Variants in PHF21B observed in about 807,000 individuals in gnomAD.
PHF21B encodes PHD finger protein 4.
In PHF21B, 22 loss-of-function variants were observed where a neutral mutation model predicts 62.2. That is an observed-to-expected ratio of 0.35 (90% confidence interval 0.25 to 0.51). The LOEUF (loss-of-function observed/expected upper bound fraction) is 0.51. PHF21B is among the 20% of genes least tolerant of loss of function. The pLI, the probability that PHF21B is intolerant of heterozygous loss-of-function variation, is 0.97. For missense variants in PHF21B, 701 were observed against 707.9 expected (o/e 0.99, Z 0.11); for synonymous variants, 341 against 314.7 (o/e 1.08, Z -0.88).
chr22:45,005,125 C>T (rs899321196), intron 2 of PHF21B, among the ~76,000 whole-genome samples: 2 of 152,272 alleles, frequency 1.3e-5, no homozygotes, highest in East Asian at 1.9e-4. Flanking sequence ...CACAGAAGGG[C>T]TTGTTGCTTG....
intron 12 of PHF21B, among the ~76,000 whole-genome samples, chr22:44,884,380 CCAT>C (rs1436755805): frequency 3.2e-5 from 1 of 31,678 alleles, no homozygotes; most frequent in Non-Finnish European, 7.7e-5. Flanking sequence ...ACCACCACCA[CCAT>C]CACGGTGATG....
At chr22:44,924,813 C>T (rs910175897) in intron 2 of PHF21B, among the ~76,000 whole-genome samples, 1 of 152,130 alleles carries the variant, frequency 6.6e-6, no homozygotes, top group Non-Finnish European at 1.5e-5. Flanking sequence ...AAGCATTCGC[C>T]AAGAGAAGGG....
chr22:44,999,804 C>T (rs1186244308), intron 2 of PHF21B, among the ~76,000 whole-genome samples: 2 of 152,090 alleles, frequency 1.3e-5, no homozygotes, highest in African/African-American at 4.8e-5. Flanking sequence ...CCCAACCTCT[C>T]TGGGCCGAGC....
chr22:44,958,543 G>C (rs1298992706), intron 2 of PHF21B, among the ~76,000 whole-genome samples: 1 of 148,304 alleles, frequency 6.7e-6, no homozygotes. Flanking sequence ...TTCCATTAGC[G>C]TCCTATTCTA....
chr22:44,895,361 C>G (rs909812852), intron 6 of PHF21B, among the ~76,000 whole-genome samples: 1 of 152,172 alleles, frequency 6.6e-6, no homozygotes, highest in Admixed American at 6.5e-5. Flanking sequence ...GTTCACGGCC[C>G]ATGTGAAGCT....
chr22:44,958,141 G>C (rs987441110), intron 2 of PHF21B, among the ~76,000 whole-genome samples: 4 of 152,186 alleles, frequency 2.6e-5, no homozygotes, highest in African/African-American at 9.7e-5. Context: ...GACCTCAGGT[G>C]ATCTGCCCAC....
intron 1 of PHF21B, 173 bp from the exon 2 acceptor site, chr22:45,008,783 G>C: frequency 1.7e-6 from 2 of 1,159,928 alleles, no homozygotes; most frequent in Non-Finnish European, 2.1e-6. Context: ...GTGCCGCGCG[G>C]GGCCGCTTAC....
In PHF21B at chr22:44,968,676, A is replaced by G. The variant is rs978950633; in HGVS notation, c.120+39869T>C. On this transcript the variant is annotated intron_variant, in intron 2 of 12. Coordinates refer to ENST00000313237, the MANE Select transcript of PHF21B (RefSeq NM_138415.5). ...AAAAAAAAAAAAAATACCTGGGACC[A>G]TACATGTTTTGGAATTTATATTTTT... is the stretch of plus-strand genomic sequence containing the variant. 6.0e-5 allele frequency among the ~76,000 whole-genome samples: 9 copies of G among 151,064 alleles called. 1 individual carries two copies.
At chr22:44,895,889 C>T in intron 6 of PHF21B, 143 bp downstream of exon 6, 1 of 877,108 alleles carries the variant, frequency 1.1e-6, no homozygotes, top group East Asian at 2.4e-5. Context: ...CATCCTGAGA[C>T]CCACTGCAGC....
At chr22:44,914,132 A>C in intron 4 of PHF21B, 44 bp from the exon 5 acceptor site, 30 of 224,970 alleles carry the variant, frequency 1.3e-4, no homozygotes, top group East Asian at 2.7e-4. Flanking sequence ...GGGAAGAGTG[A>C]GGGGGGCTGG....
In PHF21B at chr22:44,928,785, G is replaced by A. The variant is rs369885626; in HGVS notation, c.121-8295C>T. 3.3e-5 allele frequency among the ~76,000 whole-genome samples: 5 copies of A among 152,320 alleles called. No individual in the cohort carries two copies. The East Asian group carries it at 5.8e-4, about 18-fold the overall frequency. On this transcript the variant is annotated intron_variant, in intron 2 of 12. Coordinates refer to ENST00000313237, the MANE Select transcript of PHF21B (RefSeq NM_138415.5). ...GTTTCTGTGGCTGCTTCCTCGCAGT[G>A]GGCCGTGTTTCCCATGGAGACCCTC... is the stretch of plus-strand genomic sequence containing the variant.
intron 2 of PHF21B, among the ~76,000 whole-genome samples, chr22:44,931,053 A>ATT (rs1449313516): frequency 6.6e-6 from 1 of 152,134 alleles, no homozygotes; most frequent in Non-Finnish European, 1.5e-5. Context: ...ACAAGGAGTC[A>ATT]TTTTCTTTCT....
chr22:44,909,576 G>C (rs1487542356), intron 5 of PHF21B, among the ~76,000 whole-genome samples: 1 of 152,244 alleles, frequency 6.6e-6, no homozygotes, highest in South Asian at 2.1e-4. Flanking sequence ...AAGATATTCC[G>C]TGGCTCCCCA....
chr22:44,981,774 C>T (rs930112187), intron 2 of PHF21B, among the ~76,000 whole-genome samples: 6 of 152,190 alleles, frequency 3.9e-5, no homozygotes, highest in Non-Finnish European at 8.8e-5. Context: ...TACAGCGGCA[C>T]GCAGGTGTTC....
chr22:44,987,422 T>A (rs562816687), intron 2 of PHF21B, among the ~76,000 whole-genome samples: 1 of 152,262 alleles, frequency 6.6e-6, no homozygotes, highest in Admixed American at 6.5e-5. Context: ...CAGCCACGGT[T>A]CTGCTTCACA....
chr22:44,919,562 G>C (rs1377131525), intron 3 of PHF21B, among the ~76,000 whole-genome samples: 1 of 152,178 alleles, frequency 6.6e-6, no homozygotes, highest in Non-Finnish European at 1.5e-5. Context: ...GCTCAGGGCG[G>C]CCACCTCTCA....
intron 2 of PHF21B, among the ~76,000 whole-genome samples, chr22:44,932,515 C>T (rs1482774384): frequency 2.0e-5 from 3 of 152,222 alleles, no homozygotes; most frequent in Non-Finnish European, 4.4e-5. Flanking sequence ...GCTGCCTGTC[C>T]CCACTGACCT....
chr22:44,930,954 G>C (rs1000007983), intron 2 of PHF21B, among the ~76,000 whole-genome samples: 1 of 152,214 alleles, frequency 6.6e-6, no homozygotes, highest in Non-Finnish European at 1.5e-5. Flanking sequence ...CCGATACCCA[G>C]CAGCTCCGGA....
At chr22:44,907,530 T>C (rs1253862755) in intron 5 of PHF21B, among the ~76,000 whole-genome samples, 1 of 152,108 alleles carries the variant, frequency 6.6e-6, no homozygotes, top group African/African-American at 2.4e-5. Flanking sequence ...ATGAGAGACT[T>C]TGGCTTCCCT....
Sources: gnomAD v4.1 joint callset for allele counts (sites outside exome capture counted in the v4.1 genomes callset) on GRCh38, gnomAD v4.1.1 for gene constraint, MANE v1.5 for transcripts, NCBI Gene and HGNC (gene_info 2026-07-23, HGNC 2026-07-21) for gene names.